The following CELF2 variants were observed in gnomAD, a reference collection of about 807,000 sequenced individuals.
The protein encoded by CELF2 is CUGBP Elav-like family member 2.
Under a neutral mutation model 62.6 loss-of-function variants are expected in CELF2, and 8 were observed. The ratio of observed to expected loss-of-function variants is 0.13; its 90% confidence interval spans 0.07 to 0.23. The LOEUF (loss-of-function observed/expected upper bound fraction) is 0.23, where lower values mean the gene tolerates loss of function less well. Among genes scored for constraint, CELF2 ranks in the 10% least tolerant of loss-of-function variants. CELF2 has a pLI of 1.00. For missense variants in CELF2, 333 were observed against 671.0 expected, an observed-to-expected ratio of 0.50 and a Z score of 5.56; for synonymous variants, 258 against 250.0, an observed-to-expected ratio of 1.03 and a Z score of -0.30.
At chr10:10,593,638 T>C in the CELF2 span, among the ~76,000 whole-genome samples, 7 of 152,160 alleles carry the variant, frequency 4.6e-5, no homozygotes, top group African/African-American at 7.2e-5. Context: ...GGGAAGACCA[T>C]TGAGGGTCCT....
At chr10:10,571,976 C>T in the CELF2 span, among the ~76,000 whole-genome samples, 2 of 152,038 alleles carry the variant, frequency 1.3e-5, no homozygotes, top group Admixed American at 1.3e-4. Context: ...GAGAGGGAGG[C>T]AGAACAGTCT....
chr10:10,962,540 G>A (rs1022077740), intron 2 of CELF2, among the ~76,000 whole-genome samples: 1 of 152,100 alleles, frequency 6.6e-6, no homozygotes, highest in Non-Finnish European at 1.5e-5. Flanking sequence ...CTGAGCAGCA[G>A]AGCAAGACCC....
chr10:11,018,486 G>T (rs990030583), intron 1 of CELF2, among the ~76,000 whole-genome samples: 2 of 151,168 alleles, frequency 1.3e-5, no homozygotes, highest in African/African-American at 4.8e-5. Flanking sequence ...GTGAGTGGGG[G>T]ACGGGCGGGG....
At chr10:11,273,151 T>C (rs550084336) in intron 7 of CELF2, among the ~76,000 whole-genome samples, 1 of 152,082 alleles carries the variant, frequency 6.6e-6, no homozygotes, top group Non-Finnish European at 1.5e-5. Flanking sequence ...AACCTGATAG[T>C]GTGAAGTCCC....
At chr10:10,663,351 T>A in the CELF2 span, among the ~76,000 whole-genome samples, 1 of 152,168 alleles carries the variant, frequency 6.6e-6, no homozygotes, top group South Asian at 2.1e-4. Flanking sequence ...TCCTCCCTAG[T>A]TTCCCCCAAA....
intron 1 of CELF2, among the ~76,000 whole-genome samples, chr10:10,830,060 G>A (rs2057719860): frequency 6.6e-6 from 1 of 151,334 alleles, no homozygotes; most frequent in Admixed American, 6.6e-5. Context: ...CCTGGCATGA[G>A]TGTATCCGTG....
At chr10:10,605,569 G>T in the CELF2 span, among the ~76,000 whole-genome samples, 1 of 152,204 alleles carries the variant, frequency 6.6e-6, no homozygotes, top group African/African-American at 2.4e-5. Flanking sequence ...ATCAGAGTGC[G>T]TGGTTGAACC....
the CELF2 span, among the ~76,000 whole-genome samples, chr10:10,683,950 C>A: frequency 6.6e-6 from 1 of 152,146 alleles, no homozygotes; most frequent in African/African-American, 2.4e-5. Context: ...TTGACTGTTT[C>A]TCTTTCCTTT....
chr10:10,472,102 A>G, the CELF2 span, among the ~76,000 whole-genome samples: 7 of 151,842 alleles, frequency 4.6e-5, no homozygotes, highest in Non-Finnish European at 7.4e-5. Context: ...TCTGTTTGAC[A>G]TTCATTAAGT....
At chr10:10,850,842 G>A (rs2059340100) in intron 1 of CELF2, among the ~76,000 whole-genome samples, 1 of 152,074 alleles carries the variant, frequency 6.6e-6, no homozygotes, top group Non-Finnish European at 1.5e-5. Flanking sequence ...TCTCTGCTCT[G>A]TCACCCAGGC....
At chr10:11,307,997 AAG>A (rs2094350470) in intron 9 of CELF2, among the ~76,000 whole-genome samples, 2 of 152,250 alleles carry the variant, frequency 1.3e-5, no homozygotes, top group African/African-American at 2.4e-5. Context: ...TGCAGAGACT[AAG>A]AGCAACAGCC....
the CELF2 span, among the ~76,000 whole-genome samples, chr10:10,517,127 T>G: frequency 3.3e-4 from 51 of 152,322 alleles, no homozygotes; most frequent in Non-Finnish European, 6.2e-4. Flanking sequence ...TATTATTACT[T>G]TACTCTATGC....
At chr10:10,491,213 C>A in the CELF2 span, among the ~76,000 whole-genome samples, 1 of 152,124 alleles carries the variant, frequency 6.6e-6, no homozygotes, top group Non-Finnish European at 1.5e-5. Context: ...TCAATCCAGC[C>A]CCTTTCACTG....
intron 12 of CELF2, among the ~76,000 whole-genome samples, chr10:11,327,273 CTT>C (rs2095799190): frequency 6.6e-6 from 1 of 152,082 alleles, no homozygotes; most frequent in Non-Finnish European, 1.5e-5. Context: ...TTGAGGCTGA[CTT>C]TTGTGTTTTT....
chr10:11,215,488 C>T (rs752854994), intron 2 of CELF2, among the ~76,000 whole-genome samples: 3 of 152,142 alleles, frequency 2.0e-5, no homozygotes, highest in Non-Finnish European at 4.4e-5. Context: ...CTTACTCTTT[C>T]GTAATTTCCT....
At chr10:11,014,933 T>C (rs36079723), upstream of CELF2, among the ~76,000 whole-genome samples, 15,828 of 152,218 alleles carry the variant, frequency 0.1, 1,647 homozygotes, top group African/African-American at 0.27. Flanking sequence ...ATGAGGAAAC[T>C]TCATTGTTCA....
the CELF2 span, among the ~76,000 whole-genome samples, chr10:10,544,326 C>T: frequency 0.46 from 70,249 of 151,992 alleles, 16,977 homozygotes; most frequent in East Asian, 0.7. Context: ...ACAGCAGAGC[C>T]GCTAGATTGG....
At chr10:10,662,902 C>T in the CELF2 span, among the ~76,000 whole-genome samples, 2 of 152,160 alleles carry the variant, frequency 1.3e-5, no homozygotes, top group South Asian at 4.1e-4. Context: ...CTTTCCATGA[C>T]CCCCACAGCA....
At chr10:11,215,780 G>C (rs1017789200) in intron 2 of CELF2, among the ~76,000 whole-genome samples, 2 of 152,216 alleles carry the variant, frequency 1.3e-5, no homozygotes, top group Admixed American at 1.3e-4. Context: ...GATGAGGCAT[G>C]GTTGGTGTTT....
Sources: allele counts gnomAD v4.1 joint callset (sites outside exome capture counted in the v4.1 genomes callset), GRCh38; gene constraint gnomAD v4.1.1; transcripts MANE v1.5; gene names NCBI Gene and HGNC (gene_info 2026-07-23, HGNC 2026-07-21).